Variants in ETV1 observed in about 807,000 individuals in gnomAD.
ETV1 encodes the protein ETS translocation variant 1.
In ETV1, 27 loss-of-function variants were observed where a neutral mutation model predicts 62.3. The observed-to-expected ratio is 0.43, with a 90% confidence interval of 0.32 to 0.60. The LOEUF is 0.60. Among genes scored for constraint, ETV1 ranks in the 20% least tolerant of loss-of-function variants. The pLI is 0.06. For missense variants in ETV1, 605 were observed against 605.8 expected (o/e 1.00, Z 0.01); for synonymous variants, 222 against 199.6 (o/e 1.11, Z -0.94).
At chr7:13,903,779 A>C (rs1050229537) in intron 12 of ETV1, among the ~76,000 whole-genome samples, 13 of 151,872 alleles carry the variant, frequency 8.6e-5, no homozygotes, top group African/African-American at 3.1e-4. Flanking sequence ...AAAAAAAAAA[A>C]AAAATTGTTT....
At chr7:13,948,342 GCAAA>G (rs1288969616) in intron 6 of ETV1, among the ~76,000 whole-genome samples, 6 of 152,158 alleles carry the variant, frequency 3.9e-5, no homozygotes, top group African/African-American at 1.4e-4. Context: ...TCTGTGAGTA[GCAAA>G]CAATTACCCT....
Position 13,891,679 on chromosome 7 carries a change from G to A in ETV1, c.*4187C>T, listed in dbSNP as rs941988489. 1.3e-5 allele frequency: 3 copies of A among 231,634 alleles called. No homozygotes were observed. The highest frequency in any genetic ancestry group is 4.4e-5 in the African/African-American group (2 of 45,210). 14.3% of individuals were successfully genotyped at this position (231,634 alleles called of 1,614,324 possible). A position where few individuals can be genotyped will look rare whatever the true frequency, so the allele number is the denominator to read the frequency against. ...ACTGGGTGAAATTTTCTAGTATCAT[G>A]CCCAACTATTACCATCTTTTTGAAA... On this transcript the variant is annotated 3_prime_UTR_variant, in exon 14 of 14. Coordinates refer to ENST00000430479, the MANE Select transcript of ETV1 (RefSeq NM_004956.5).
At chr7:13,914,984 A>G (rs1435989535) in intron 9 of ETV1, among the ~76,000 whole-genome samples, 1 of 152,192 alleles carries the variant, frequency 6.6e-6, no homozygotes, top group East Asian at 1.9e-4. Context: ...ACCTCTAAAT[A>G]AGGGAGAAAA....
chr7:13,901,141 A>C (rs558348076), intron 12 of ETV1, among the ~76,000 whole-genome samples: 1 of 151,842 alleles, frequency 6.6e-6, no homozygotes, highest in South Asian at 2.1e-4. Context: ...AGTAGGTGGG[A>C]TTACAGGTGG....
chr7:13,911,338 A>T (rs751814367), intron 9 of ETV1, 31 bp from the exon 10 acceptor site: 1 of 1,521,370 alleles, frequency 6.6e-7, no homozygotes, highest in South Asian at 1.1e-5. Flanking sequence ...GGTCAAAAAG[A>T]GTCTGGAGCT....
intron 9 of ETV1, among the ~76,000 whole-genome samples, chr7:13,920,260 A>G (rs776456259): frequency 1.3e-5 from 2 of 152,162 alleles, no homozygotes; most frequent in African/African-American, 4.8e-5. Context: ...TGATTTGAGA[A>G]TGTTGTCTTC....
In ETV1 at chr7:13,895,959, T is replaced by G; in HGVS notation, c.1341A>C (p.Thr447=). 6.2e-7 allele frequency: 1 copy of G among 1,613,740 alleles called. No homozygotes were observed. Among genetic ancestry groups the G allele is most frequent in the Non-Finnish European group, 8.5e-7 (1 of 1,179,792 alleles). The part of the protein sequence containing the change: ...DMERHINEED[T]VPLSHFDESM... ...TCTCATCAAAGTGAGAAAGAGGCAC[T>G]GTGTCCTCCTCGTTGATGTGACGTT... The change falls in exon 14 of 14, where the codon ACA becomes ACC. Residue 447 remains threonine, a synonymous_variant. Coordinates refer to ENST00000430479, the MANE Select transcript of ETV1 (RefSeq NM_004956.5).
chr7:13,942,315 G>C (rs896686139), intron 6 of ETV1, among the ~76,000 whole-genome samples: 2 of 151,888 alleles, frequency 1.3e-5, no homozygotes, highest in Non-Finnish European at 2.9e-5. Flanking sequence ...GAGCCACCGT[G>C]CCCGGCCTCT....
chr7:13,906,561 G>C lies in ETV1; in HGVS notation c.979C>G (p.Pro327Ala). 2 of 1,612,166 alleles carry C rather than the reference G, an allele frequency of 1.2e-6. No individual in the cohort carries two copies. Among genetic ancestry groups the C allele is most frequent in the Non-Finnish European group, 1.7e-6 (2 of 1,179,128 alleles). ...KQEPGMYREGPTYQRRGSLQL... is the reference protein window; with the variant it reads ...KQEPGMYREGATYQRRGSLQL... ...AGTGATCCTCGCCGTTGGTATGTGG[G>C]TCCTTCCCGATACATTCCTGGCTCT... The change falls in exon 12 of 14, where the codon CCC becomes GCC. Residue 327 changes from proline to alanine, a missense_variant. This residue lies in a region of ETV1 where 100 missense variants were observed against 156.4 expected (regional missense o/e 0.64). Coordinates refer to ENST00000430479, the MANE Select transcript of ETV1 (RefSeq NM_004956.5).
rs1787684190 is a variant in ETV1 at position 13,942,613 on chromosome 7, C to G, written c.236-3367G>C. ...GTCTGTTCTCCTTTGTCCATGTGTT[C>G]TCATCATCTAGCTCCTACTTATAAG... On this transcript the variant is annotated intron_variant, in intron 6 of 13. Transcript: ENST00000430479. Among the ~76,000 whole-genome samples the G allele has an allele frequency of 2.6e-5, 4 of 152,204 alleles. No individual in the cohort carries two copies. In the South Asian group the frequency reaches 8.3e-4, roughly 32 times the overall value.
intron 9 of ETV1, among the ~76,000 whole-genome samples, chr7:13,924,401 T>G (rs1189655835): frequency 6.6e-6 from 1 of 152,220 alleles, no homozygotes; most frequent in Non-Finnish European, 1.5e-5. Flanking sequence ...TAATCTCAGT[T>G]CTTAAGAATG....
chr7:13,924,329 T>G (rs1231956075), intron 9 of ETV1, among the ~76,000 whole-genome samples: 1 of 152,138 alleles, frequency 6.6e-6, no homozygotes, highest in Non-Finnish European at 1.5e-5. Flanking sequence ...ATTAGCCACT[T>G]TTTCTTCTCA....
Position 13,969,275 on chromosome 7 carries a change from T to C in ETV1, c.235+8152A>G, listed in dbSNP as rs553496644. On this transcript the variant is annotated intron_variant, in intron 6 of 13. Coordinates refer to ENST00000430479, the MANE Select transcript of ETV1 (RefSeq NM_004956.5). ...GAATAATCTTTGGAAGAGGAAAATA[T>C]ATATAATTCTAGCAAAGATGATAAA... Among the ~76,000 whole-genome samples, 3 of 152,314 alleles carry C rather than the reference T, an allele frequency of 2.0e-5. No individual in the cohort carries two copies. In the South Asian group the frequency reaches 6.2e-4, roughly 32 times the overall value.
At chr7:13,964,833 C>G (rs115617841) in intron 6 of ETV1, among the ~76,000 whole-genome samples, 6 of 152,214 alleles carry the variant, frequency 3.9e-5, no homozygotes, top group Non-Finnish European at 4.4e-5. Flanking sequence ...ATTTTCCCAA[C>G]ACACAGCTAA....
At chr7:13,909,542 A>C in intron 11 of ETV1, 90 bp downstream of exon 11, 1 of 915,770 alleles carries the variant, frequency 1.1e-6, no homozygotes, top group South Asian at 1.4e-5. Context: ...AGGAATCTTT[A>C]AGTAGGGATG....
chr7:13,988,494 G>C, intron 3 of ETV1: 2 of 674,448 alleles, frequency 3.0e-6, no homozygotes, highest in Non-Finnish European at 4.8e-6. Context: ...TTTTAGGCTG[G>C]TTCAATGCTA....
intron 9 of ETV1, among the ~76,000 whole-genome samples, chr7:13,925,705 AC>A (rs1197667966): frequency 6.6e-6 from 1 of 151,294 alleles, no homozygotes; most frequent in Non-Finnish European, 1.5e-5. Context: ...AGCTGGGACT[AC>A]AGGGACCCGC....
At chr7:13,955,679 A>G (rs1227223270) in intron 6 of ETV1, among the ~76,000 whole-genome samples, 3 of 152,318 alleles carry the variant, frequency 2.0e-5, no homozygotes, top group Non-Finnish European at 4.4e-5. Flanking sequence ...AATACTTTGC[A>G]AGTATTGTAG....
chr7:13,949,847 C>T (rs747528652), intron 6 of ETV1, among the ~76,000 whole-genome samples: 1 of 152,018 alleles, frequency 6.6e-6, no homozygotes. Context: ...ATAATATTTC[C>T]GAGACAGGAA....
Sources: gnomAD v4.1 joint callset for allele counts (sites outside exome capture counted in the v4.1 genomes callset) on GRCh38, gnomAD v4.1.1 for gene constraint, gnomAD v4.1.1 regional missense constraint, MANE v1.5 for transcripts, NCBI Gene and HGNC (gene_info 2026-07-23, HGNC 2026-07-21) for gene names.